Variants in IFNLR1 observed in about 807,000 individuals in gnomAD.
IFNLR1 encodes the protein interferon lambda receptor 1, also known as CRF2-12.
A neutral mutation model predicts 52.5 loss-of-function variants in IFNLR1; 28 were observed. The observed-to-expected ratio is 0.53, with a 90% CI of 0.40 to 0.73. The LOEUF (loss-of-function observed/expected upper bound fraction) is 0.73, where lower values mean the gene tolerates loss of function less well. IFNLR1 is among the 30% of genes least tolerant of loss of function. The pLI, the probability that IFNLR1 is intolerant of heterozygous loss-of-function variation, is 0.00. For synonymous variants in IFNLR1, 276 were observed against 274.9 expected (o/e 1.00, Z -0.04); for missense variants, 623 against 659.1 (o/e 0.95, Z 0.60).
At chr1:24,184,896 G>A (rs1309052979) in intron 1 of IFNLR1, among the ~76,000 whole-genome samples, 1 of 152,102 alleles carries the variant, frequency 6.6e-6, no homozygotes, top group Non-Finnish European at 1.5e-5. Flanking sequence ...GCACACGCCT[G>A]TCATCTCAGC....
Position 24,170,789 on chromosome 1 carries a change from A to G in IFNLR1, c.183-1188T>C. On this transcript the variant is annotated intron_variant, in intron 2 of 6. Coordinates refer to ENST00000327535, the MANE Select transcript of IFNLR1 (RefSeq NM_170743.4). ...CTATTTTGGAGGTAATAATAGAACT[A>G]ATAGAACTTGCTAACGGATTGGATG... Among the ~76,000 whole-genome samples the G allele has an allele frequency of 1.3e-5, 2 of 152,350 alleles. 1 individual carries two copies. The highest frequency in any genetic ancestry group is 4.1e-4 in the South Asian group (2 of 4,826).
At position 24,169,400 on chromosome 1, in the gene IFNLR1, C is replaced by T. The variant is rs780299104; in HGVS notation, c.367+17G>A. The T allele has an allele frequency of 6.2e-7, 1 of 1,609,724 alleles. No homozygotes were observed. The highest frequency in any genetic ancestry group is 1.1e-5 in the South Asian group (1 of 90,424). ...GGATGGACAGCCTTCCACTCAGTCCCTTACCCACAGACCTACCTTCAAAAA... is the reference window on the plus strand; with the variant it reads ...GGATGGACAGCCTTCCACTCAGTCCTTTACCCACAGACCTACCTTCAAAAA... On this transcript the variant is annotated intron_variant, in intron 3 of 6. Transcript: ENST00000327535.
At position 24,177,424 on chromosome 1, in the gene IFNLR1, G is replaced by A. The variant is rs1644644121; in HGVS notation, c.182+3307C>T. ...GCAAACCACTAACTTAAGTCCAAGA[G>A]TCTAAAGGCCAAAAAACCCGGAGTG... is the stretch of plus-strand genomic sequence containing the variant. On this transcript the variant is annotated intron_variant, in intron 2 of 6. Coordinates refer to ENST00000327535, the MANE Select transcript of IFNLR1 (RefSeq NM_170743.4). Among the ~76,000 whole-genome samples the A allele has an allele frequency of 2.6e-5, 4 of 152,296 alleles. No individual in the cohort carries two copies. The South Asian group carries it at 8.3e-4, about 32-fold the overall frequency.
chr1:24,171,982 T>G (rs180727989), intron 2 of IFNLR1, among the ~76,000 whole-genome samples: 1 of 152,066 alleles, frequency 6.6e-6, no homozygotes. Flanking sequence ...TAAAAAAATA[T>G]TCTGTAGAGA....
Position 24,187,277 on chromosome 1 carries a change from G to C in IFNLR1, c.-29C>G, listed in dbSNP as rs750809756. On this transcript the variant is annotated 5_prime_UTR_variant, in exon 1 of 7. Transcript: ENST00000327535. ...CTTCCTGCCGCGGCGTCCCCGCCCGGGCCCAGGTCCCCGCCTCCCGCCTCC... is the reference window on the plus strand; with the variant it reads ...CTTCCTGCCGCGGCGTCCCCGCCCGCGCCCAGGTCCCCGCCTCCCGCCTCC... 1.6e-6 allele frequency: 2 copies of C among 1,257,354 alleles called. No homozygotes were observed. Among genetic ancestry groups the C allele is most frequent in the East Asian group, 3.2e-5 (1 of 31,576 alleles). 77.9% of individuals were successfully genotyped at this position (1,257,354 alleles called of 1,614,324 possible). A position where few individuals can be genotyped will look rare whatever the true frequency, so the allele number is the denominator to read the frequency against.
chr1:24,169,625 T>G, intron 2 of IFNLR1, 24 bp from the exon 3 acceptor site: 1 of 1,605,310 alleles, frequency 6.2e-7, no homozygotes, highest in Non-Finnish European at 8.5e-7. Flanking sequence ...GAGGAGAGCT[T>G]GGGCCATGGA....
rs35682685 is a variant in IFNLR1 at position 24,169,577 on chromosome 1, G to T, written c.207C>A (p.Arg69=). Residue 69 remains arginine (R), a synonymous_variant, in exon 3 of 7, where the codon CGC becomes CGA. Transcript: ENST00000327535. The part of the protein sequence containing the change: ...YQSSPTRRRW[R]EVEECAGTKE... ...TGGTTCCCGCACACTCTTCCACTTCGCGCCACCGTCTACGGGTGGGAGAGC... is the reference window on the plus strand; with the variant it reads ...TGGTTCCCGCACACTCTTCCACTTCTCGCCACCGTCTACGGGTGGGAGAGC... 1.9e-6 allele frequency: 3 copies of T among 1,613,902 alleles called. No individual in the cohort carries two copies. The South Asian group carries it at 3.3e-5, about 18-fold the overall frequency.
chr1:24,159,687 A>G, intron 4 of IFNLR1, 54 bp from the exon 5 acceptor site: 2 of 1,492,088 alleles, frequency 1.3e-6, no homozygotes, highest in Non-Finnish European at 1.9e-6. Context: ...CTGGTTTCAC[A>G]CAGCCAGGAC....
chr1:24,162,149 T>A (rs1044371020), intron 3 of IFNLR1, among the ~76,000 whole-genome samples: 4 of 152,236 alleles, frequency 2.6e-5, no homozygotes, highest in Admixed American at 1.3e-4. Flanking sequence ...GGGTCTCACA[T>A]CTGGAACCGA....
chr1:24,161,031 AAC>A (rs1221493776), intron 4 of IFNLR1, among the ~76,000 whole-genome samples: 3 of 152,114 alleles, frequency 2.0e-5, no homozygotes, highest in Non-Finnish European at 4.4e-5. Context: ...CTGGCCTGTA[AAC>A]AGTTTTACTG....
chr1:24,181,017 G>A (rs1460960721), intron 1 of IFNLR1, among the ~76,000 whole-genome samples, 163 bp from the exon 2 acceptor site: 1 of 152,152 alleles, frequency 6.6e-6, no homozygotes, highest in African/African-American at 2.4e-5. Flanking sequence ...CATGAGAGAA[G>A]ACCCTTTGCC....
chr1:24,164,904 A>T (rs1043007200), intron 3 of IFNLR1, among the ~76,000 whole-genome samples: 2 of 151,996 alleles, frequency 1.3e-5, no homozygotes, highest in African/African-American at 2.4e-5. Flanking sequence ...CTGGGATTAC[A>T]GGTGCCCGCC....
chr1:24,162,786 C>T (rs1488070799), intron 3 of IFNLR1, among the ~76,000 whole-genome samples: 2 of 61,644 alleles, frequency 3.2e-5, no homozygotes, highest in East Asian at 3.7e-4. Flanking sequence ...CTTTTTCTTT[C>T]TTTTTCTTTC....
chr1:24,161,508 G>A, intron 4 of IFNLR1, 34 bp downstream of exon 4: 1 of 1,552,722 alleles, frequency 6.4e-7, no homozygotes, highest in Non-Finnish European at 8.7e-7. Flanking sequence ...TGGAGGAGCG[G>A]GCCTAGCCTG....
chr1:24,161,509 G>A, intron 4 of IFNLR1, 33 bp downstream of exon 4: 1 of 1,552,816 alleles, frequency 6.4e-7, no homozygotes, highest in Non-Finnish European at 8.7e-7. Context: ...GGAGGAGCGG[G>A]CCTAGCCTGG....
intron 1 of IFNLR1, among the ~76,000 whole-genome samples, chr1:24,181,087 A>G (rs935029230): frequency 1.3e-5 from 2 of 152,188 alleles, no homozygotes; most frequent in African/African-American, 2.4e-5. Context: ...ACCATGGAAC[A>G]GGAACCTAAT....
chr1:24,159,745 T>TTTTTTGTTTTTTTG (rs1644423246), intron 4 of IFNLR1, 112 bp from the exon 5 acceptor site: 3 of 949,180 alleles, frequency 3.2e-6, no homozygotes, highest in Admixed American at 2.9e-5. Flanking sequence ...TTGTTTTTTT[T>TTTTTTGTTTTTTTG]TTTTGTTTTT....
At chr1:24,183,933 T>A (rs954613847) in intron 1 of IFNLR1, among the ~76,000 whole-genome samples, 3 of 152,222 alleles carry the variant, frequency 2.0e-5, no homozygotes, top group Non-Finnish European at 4.4e-5. Context: ...TTTCACCATG[T>A]TGGCTAGGCT....
rs902275289 is a variant in IFNLR1 at position 24,180,051 on chromosome 1, C to T, written c.182+680G>A. 1.6e-4 allele frequency among the ~76,000 whole-genome samples: 24 copies of T among 152,178 alleles called. 1 individual carries two copies. The East Asian group carries it at 2.9e-3, about 18-fold the overall frequency. On this transcript the variant is annotated intron_variant, in intron 2 of 6. Coordinates refer to ENST00000327535, the MANE Select transcript of IFNLR1 (RefSeq NM_170743.4). ...GTGGCTTACGCCTGTAATCCCAACACTTTGGGAGGCTGAGGTGGGTGGATC... is the reference window on the plus strand; with the variant it reads ...GTGGCTTACGCCTGTAATCCCAACATTTTGGGAGGCTGAGGTGGGTGGATC...
Sources: allele counts gnomAD v4.1 joint callset (sites outside exome capture counted in the v4.1 genomes callset), GRCh38; gene constraint gnomAD v4.1.1; transcripts MANE v1.5; gene names NCBI Gene and HGNC (gene_info 2026-07-23, HGNC 2026-07-21).